Variants in PPME1 observed in about 807,000 individuals in gnomAD.
The protein encoded by PPME1 is testicular secretory protein Li 39.
A neutral mutation model predicts 56.9 loss-of-function variants in PPME1; 17 were observed. The observed-to-expected ratio is 0.30, with a 90% confidence interval of 0.20 to 0.45. The LOEUF (loss-of-function observed/expected upper bound fraction) is 0.45, where lower values mean the gene tolerates loss of function less well. Ranked by LOEUF, PPME1 falls within the 20% of genes least tolerant of loss-of-function variation. PPME1 has a pLI of 1.00. For synonymous variants in PPME1, 122 were observed against 156.2 expected, an observed-to-expected ratio of 0.78 and a Z score of 1.63; for missense variants, 357 against 483.2, an observed-to-expected ratio of 0.74 and a Z score of 2.45.
intron 9 of PPME1, among the ~76,000 whole-genome samples, chr11:74,240,969 G>C (rs1344702511): frequency 6.6e-6 from 1 of 152,152 alleles, no homozygotes; most frequent in Non-Finnish European, 1.5e-5. Flanking sequence ...ACTTGCCCAT[G>C]GTCACACATA....
At chr11:74,186,903 C>G (rs1857698012) in intron 1 of PPME1, among the ~76,000 whole-genome samples, 1 of 152,098 alleles carries the variant, frequency 6.6e-6, no homozygotes, top group South Asian at 2.1e-4. Flanking sequence ...AGTCTGTGAT[C>G]CATTTTGAGT....
intron 3 of PPME1, among the ~76,000 whole-genome samples, chr11:74,212,404 T>A (rs1239225702): frequency 6.6e-6 from 1 of 152,130 alleles, no homozygotes; most frequent in Non-Finnish European, 1.5e-5. Flanking sequence ...GGGTCCTAAA[T>A]AAACTTGAAA....
At chr11:74,213,714 T>A (rs1858542444) in intron 3 of PPME1, among the ~76,000 whole-genome samples, 1 of 152,234 alleles carries the variant, frequency 6.6e-6, no homozygotes, top group African/African-American at 2.4e-5. Context: ...TTCTTCTGGA[T>A]CTTATCCAAC....
rs1859049526 is a variant in PPME1 at position 74,230,945 on chromosome 11, A to C, written c.587A>C (p.Asn196Thr). Residue 196 changes from asparagine to threonine, a missense_variant, in exon 7 of 14, where the codon AAT becomes ACT. Physicochemically the swap from Asn to Thr is moderately conservative, Grantham distance 65. Around this residue, in one of 2 missense-constraint regions of PPME1, gnomAD observed 182 missense variants for 293.8 expected, o/e 0.62. Transcript: ENST00000328257. The surrounding 1 kb of genome is among the most constrained non-coding windows in gnomAD (Gnocchi z 4.9). ...TAMDALNSMQ[N>T]FLRGRPKTFK... ...ATGGATGCACTTAATAGCATGCAGA[A>C]TTTCTTACGGGGTCGTCCTAAAACC... 6.2e-7 allele frequency: 1 copy of C among 1,605,068 alleles called. No individual in the cohort carries two copies. Among genetic ancestry groups the C allele is most frequent in the Admixed American group, 1.7e-5 (1 of 58,890 alleles).
At chr11:74,192,936 C>T (rs1857880919) in intron 1 of PPME1, among the ~76,000 whole-genome samples, 2 of 152,172 alleles carry the variant, frequency 1.3e-5, no homozygotes, top group Non-Finnish European at 2.9e-5. Flanking sequence ...CTTAACACAT[C>T]CCTCAGCTGC....
intron 9 of PPME1, 52 bp from the exon 10 acceptor site, chr11:74,246,024 G>A (rs1162228739): frequency 1.3e-6 from 2 of 1,541,160 alleles, no homozygotes; most frequent in East Asian, 2.4e-5. Flanking sequence ...TTTTAATCCT[G>A]TTCCTCCAGG....
intron 1 of PPME1, among the ~76,000 whole-genome samples, chr11:74,191,049 A>G (rs1857824285): frequency 1.3e-5 from 2 of 152,222 alleles, no homozygotes; most frequent in Admixed American, 1.3e-4. Context: ...CAGATACAGG[A>G]GCAAAGGAAT....
At chr11:74,207,139 A>G (rs1858349478) in intron 3 of PPME1, among the ~76,000 whole-genome samples, 1 of 152,232 alleles carries the variant, frequency 6.6e-6, no homozygotes, top group East Asian at 1.9e-4. Context: ...TTTGACACAC[A>G]TAGGCAGAAA....
At chr11:74,173,253 T>C (rs756088179) in intron 1 of PPME1, among the ~76,000 whole-genome samples, 2 of 152,236 alleles carry the variant, frequency 1.3e-5, no homozygotes, top group East Asian at 3.8e-4. Flanking sequence ...TTAATATTAA[T>C]GTAACATTAA....
At chr11:74,202,621 TA>T (rs1858199924) in intron 1 of PPME1, among the ~76,000 whole-genome samples, 1 of 152,208 alleles carries the variant, frequency 6.6e-6, no homozygotes, top group Non-Finnish European at 1.5e-5. Flanking sequence ...CCTCCATTAC[TA>T]GGAAGAAGAA....
chr11:74,211,623 A>G (rs1475795940), intron 3 of PPME1, among the ~76,000 whole-genome samples: 1 of 152,224 alleles, frequency 6.6e-6, no homozygotes, highest in African/African-American at 2.4e-5. Flanking sequence ...TGAGTTTACC[A>G]AAACAAAAAC....
At chr11:74,228,701 A>T (rs1257137547) in intron 5 of PPME1, among the ~76,000 whole-genome samples, 1 of 152,206 alleles carries the variant, frequency 6.6e-6, no homozygotes, top group Non-Finnish European at 1.5e-5. Flanking sequence ...TAATATTTTT[A>T]TAGACCCAGT....
chr11:74,250,718 G>T, intron 11 of PPME1: 1 of 488,630 alleles, frequency 2.0e-6, no homozygotes, highest in Non-Finnish European at 3.7e-6. Flanking sequence ...TGTGTCTCTG[G>T]CCCACAGTAA....
intron 11 of PPME1, chr11:74,247,353 ATAC>A: frequency 2.0e-6 from 1 of 510,988 alleles, no homozygotes; most frequent in Non-Finnish European, 3.4e-6. Context: ...GAAGATTATA[ATAC>A]TACTACCTAT....
chr11:74,217,973 A>G (rs2135643079), intron 3 of PPME1, among the ~76,000 whole-genome samples: 1 of 152,296 alleles, frequency 6.6e-6, no homozygotes, highest in Non-Finnish European at 1.5e-5. Flanking sequence ...CCAAATTGGA[A>G]AGGAAAAAGT....
intron 3 of PPME1, among the ~76,000 whole-genome samples, chr11:74,215,196 C>CT (rs1555078478): frequency 1.3e-5 from 2 of 152,184 alleles, no homozygotes; most frequent in South Asian, 2.1e-4. Context: ...AAAAAATTGA[C>CT]TAAGTGTAGT....
chr11:74,171,839 A>AC (rs1332347434), intron 1 of PPME1, among the ~76,000 whole-genome samples: 1 of 152,154 alleles, frequency 6.6e-6, no homozygotes, highest in Admixed American at 6.5e-5. Context: ...TAGAACGGTG[A>AC]CAAAGGTGGA....
intron 5 of PPME1, among the ~76,000 whole-genome samples, chr11:74,227,087 C>G (rs1858950635): frequency 6.6e-6 from 1 of 152,130 alleles, no homozygotes; most frequent in African/African-American, 2.4e-5. Context: ...ACCAGAGGCA[C>G]TTGGCTACAA....
intron 3 of PPME1, among the ~76,000 whole-genome samples, chr11:74,215,071 G>A (rs886632257): frequency 6.6e-6 from 1 of 152,178 alleles, no homozygotes. Flanking sequence ...AATAGGTTGG[G>A]CATGGTGGCT....
Sources: gnomAD v4.1 joint callset for allele counts (sites outside exome capture counted in the v4.1 genomes callset) on GRCh38, gnomAD v4.1.1 for gene constraint, gnomAD v4.1.1 regional missense constraint, Gnocchi (gnomAD v3.1) non-coding constraint, MANE v1.5 for transcripts, NCBI Gene and HGNC (gene_info 2026-07-23, HGNC 2026-07-21) for gene names.